Variants in ACSM4 observed in about 807,000 individuals in gnomAD.
ACSM4 encodes the protein acyl-coenzyme A synthetase ACSM4, mitochondrial.
A neutral mutation model predicts 73.0 loss-of-function variants in ACSM4; 66 were observed. The observed-to-expected ratio is 0.90, with a 90% CI of 0.74 to 1.11. The LOEUF (loss-of-function observed/expected upper bound fraction) is 1.11, where lower values mean the gene tolerates loss of function less well. Among genes scored for constraint, ACSM4 ranks in the 50% least tolerant of loss-of-function variants. The probability of loss-of-function intolerance (pLI) is 0.00; values close to 1 mark genes in which losing one functional copy is unlikely to be tolerated. For synonymous variants in ACSM4, 222 were observed against 254.0 expected, an observed-to-expected ratio of 0.87 and a Z score of 1.20; for missense variants, 645 against 714.4, an observed-to-expected ratio of 0.90 and a Z score of 1.11.
rs182082369 is a variant in ACSM4, at chr12:7,328,388, T to G, written c.*15T>G. ...GAGGAAGATAGTTTGATAACAAAGC[T>G]GAAGGGTTAAGCAGTAATATGGTTG... On this transcript the variant is annotated 3_prime_UTR_variant, in exon 13 of 13. Coordinates refer to ENST00000399422, the MANE Select transcript of ACSM4 (RefSeq NM_001080454.2). 1.3e-4 allele frequency: 210 copies of G among 1,561,202 alleles called. No individual in the cohort carries two copies. Among genetic ancestry groups the G allele is most frequent in the Non-Finnish European group, 3.8e-5 (44 of 1,148,530 alleles).
intron 12 of ACSM4, among the ~76,000 whole-genome samples, 190 bp from the exon 13 acceptor site, chr12:7,328,097 A>G (rs1946522879): frequency 6.6e-6 from 1 of 152,182 alleles, no homozygotes; most frequent in African/African-American, 2.4e-5. Context: ...AAAAACCCGT[A>G]AGATGGAGCT....
intron 10 of ACSM4, 37 bp downstream of exon 10, chr12:7,324,437 G>A (rs775482554): frequency 8.1e-6 from 13 of 1,613,742 alleles, no homozygotes; most frequent in African/African-American, 6.7e-5. Flanking sequence ...GTAACAATTC[G>A]ACAGGGAGGG....
chr12:7,318,382 C>A, intron 5 of ACSM4, 200 bp downstream of exon 5: 2 of 558,930 alleles, frequency 3.6e-6, no homozygotes, highest in Non-Finnish European at 5.9e-6. Flanking sequence ...CACTCTGAGG[C>A]AGGAAATCCA....
chr12:7,319,684 A>G (rs1286051597), intron 5 of ACSM4, among the ~76,000 whole-genome samples: 5 of 151,778 alleles, frequency 3.3e-5, no homozygotes, highest in Non-Finnish European at 4.4e-5. Flanking sequence ...CTAATAGGCC[A>G]CAAACAGAAA....
intron 11 of ACSM4, 106 bp downstream of exon 11, chr12:7,324,704 T>C (rs1184925321): frequency 8.3e-7 from 1 of 1,211,752 alleles, no homozygotes; most frequent in Non-Finnish European, 1.2e-6. Flanking sequence ...TAATTCTCGT[T>C]ATGAAGCATG....
In ACSM4 at chr12:7,324,904, G is replaced by C. The variant is rs377146289; in HGVS notation, c.1536+306G>C. Among the ~76,000 whole-genome samples the C allele has an allele frequency of 9.3e-5, 14 of 151,126 alleles. No individual in the cohort carries two copies. The East Asian group carries it at 2.1e-3, about 23-fold the overall frequency. On this transcript the variant is annotated intron_variant, in intron 11 of 12. Transcript: ENST00000399422. The stretch of plus-strand genomic sequence containing the variant: ...AGTACAGCCACATCCAAAGGTTCAT[G>C]TGAGGTTGGCAAGATTTAGCCCCTC...
intron 3 of ACSM4, among the ~76,000 whole-genome samples, chr12:7,313,671 T>C (rs1343470044): frequency 2.6e-5 from 4 of 152,188 alleles, no homozygotes; most frequent in Non-Finnish European, 5.9e-5. Flanking sequence ...TCCAGGACTC[T>C]GGATTCTGAT....
rs771255535 is a variant in ACSM4, at chr12:7,319,628, C to T, written c.922-1097C>T. ...AAAGAAAAAAATACAGATGAAGCTTCGCTCACCTTGCCCCGCCACTCACCT... is the reference window on the plus strand; with the variant it reads ...AAAGAAAAAAATACAGATGAAGCTTTGCTCACCTTGCCCCGCCACTCACCT... On this transcript the variant is annotated intron_variant, in intron 5 of 12. Transcript: ENST00000399422. Among the ~76,000 whole-genome samples the T allele has an allele frequency of 1.3e-4, 20 of 151,426 alleles. No individual in the cohort carries two copies. The East Asian group carries it at 1.9e-3, about 15-fold the overall frequency.
chr12:7,310,496 G>T, intron 2 of ACSM4, 43 bp from the exon 3 acceptor site: 1 of 1,547,614 alleles, frequency 6.5e-7, no homozygotes, highest in Non-Finnish European at 8.7e-7. Context: ...CTTCCACAAT[G>T]GACAGCAGTT....
chr12:7,316,799 C>T (rs1946423300), intron 3 of ACSM4, among the ~76,000 whole-genome samples: 1 of 152,148 alleles, frequency 6.6e-6, no homozygotes, highest in Non-Finnish European at 1.5e-5. Flanking sequence ...TTCAAAAACT[C>T]ACAGACTTTT....
chr12:7,328,351 A>AG lies in ACSM4; in HGVS notation c.1721_1722insG (p.Asp574GlufsTer10). 6.3e-7 allele frequency: 1 copy of AG among 1,592,938 alleles called. No homozygotes were observed. The highest frequency in any genetic ancestry group is 8.6e-7 in the Non-Finnish European group (1 of 1,168,930). On this transcript the variant is annotated frameshift_variant, in exon 13 of 13. Coordinates refer to ENST00000399422, the MANE Select transcript of ACSM4 (RefSeq NM_001080454.2). LOFTEE classifies it high-confidence loss of function. ...AAAATCAAACGCAACGTTTTAAGAG[A>AG]CCAAGAATGGAGAGGAAGATAGTTT... is the stretch of plus-strand genomic sequence containing the variant.
At chr12:7,311,177 T>A (rs963347264) in intron 3 of ACSM4, among the ~76,000 whole-genome samples, 1 of 150,806 alleles carries the variant, frequency 6.6e-6, no homozygotes, top group Non-Finnish European at 1.5e-5. Context: ...AAAAAATAAA[T>A]AAATAAATAA....
Position 7,328,347 on chromosome 12 carries a change from A to T in ACSM4, c.1717A>T (p.Arg573Ter). 1 of 1,593,860 alleles carries T rather than the reference A, an allele frequency of 6.3e-7. No homozygotes were observed. Among genetic ancestry groups the T allele is most frequent in the African/African-American group, 1.3e-5 (1 of 74,702 alleles). Residue 573 changes from arginine to a stop codon, truncating the protein, a stop_gained, in exon 13 of 13, where the codon AGA (arginine) becomes TGA (stop). Transcript: ENST00000399422. LOFTEE classifies it high-confidence loss of function. ...TGGGAAAATCAAACGCAACGTTTTA[A>T]GAGACCAAGAATGGAGAGGAAGATA... ...ITGKIKRNVL[R>*]DQEWRGR
chr12:7,323,384 C>A (rs1243688120), intron 8 of ACSM4, 70 bp downstream of exon 8: 1 of 1,591,660 alleles, frequency 6.3e-7, no homozygotes, highest in Non-Finnish European at 8.6e-7. Context: ...CTATTCATTG[C>A]ACAACTATTC....
intron 9 of ACSM4, 28 bp from the exon 10 acceptor site, chr12:7,324,245 A>G: frequency 6.2e-7 from 1 of 1,609,238 alleles, no homozygotes; most frequent in Non-Finnish European, 8.5e-7. Context: ...GACCAGACTA[A>G]TCCCCAAATG....
intron 2 of ACSM4, among the ~76,000 whole-genome samples, chr12:7,307,567 AGACT>A (rs910551477): frequency 2.6e-5 from 4 of 152,238 alleles, no homozygotes; most frequent in Non-Finnish European, 5.9e-5. Flanking sequence ...CCTTTATTTC[AGACT>A]AACTAGTATA....
chr12:7,314,606 TGATAGATA>T (rs71067184), intron 3 of ACSM4, among the ~76,000 whole-genome samples: 5 of 151,870 alleles, frequency 3.3e-5, no homozygotes, highest in African/African-American at 1.2e-4. Flanking sequence ...GGTAGATAGA[TGATAGATA>T]GATAGATAGA....
chr12:7,320,701 T>A (rs751220887), intron 5 of ACSM4, 24 bp from the exon 6 acceptor site: 1 of 1,592,954 alleles, frequency 6.3e-7, no homozygotes, highest in South Asian at 1.1e-5. Flanking sequence ...ACTTCTGACA[T>A]CTGTGTCTTT....
chr12:7,309,270 T>C (rs1028358325), intron 2 of ACSM4, among the ~76,000 whole-genome samples: 1 of 152,142 alleles, frequency 6.6e-6, no homozygotes, highest in African/African-American at 2.4e-5. Flanking sequence ...CTGGAATCCA[T>C]AGAGAAGAGG....
Sources: gnomAD v4.1 joint callset for allele counts (sites outside exome capture counted in the v4.1 genomes callset) on GRCh38, gnomAD v4.1.1 for gene constraint, MANE v1.5 for transcripts, NCBI Gene and HGNC (gene_info 2026-07-23, HGNC 2026-07-21) for gene names.